CADM1: variants seen among roughly 807,000 people sequenced by gnomAD.
CADM1 encodes the protein cell adhesion molecule 1, also known as TSLC-1.
In CADM1, 15 loss-of-function variants were observed where a neutral mutation model predicts 53.1. That is an observed-to-expected ratio of 0.28 (90% CI 0.19 to 0.44). The LOEUF is 0.44. Among genes scored for constraint, CADM1 ranks in the 20% least tolerant of loss-of-function variants. CADM1 has a pLI of 1.00. For missense variants in CADM1, 434 were observed against 611.3 expected (o/e 0.71, Z 3.06); for synonymous variants, 281 against 243.0 (o/e 1.16, Z -1.45).
At chr11:115,398,392 G>A (rs560170576) in intron 1 of CADM1, among the ~76,000 whole-genome samples, 2 of 152,142 alleles carry the variant, frequency 1.3e-5, no homozygotes, top group African/African-American at 2.4e-5. Context: ...TGGATTAGAG[G>A]TATTTGAGCC....
chr11:115,309,721 G>A (rs571909449), intron 1 of CADM1, among the ~76,000 whole-genome samples: 7 of 152,048 alleles, frequency 4.6e-5, no homozygotes, highest in Non-Finnish European at 7.4e-5. Flanking sequence ...TCTATCCCCC[G>A]GCCGTGTGAC....
At chr11:115,362,227 T>C (rs919311259) in intron 1 of CADM1, among the ~76,000 whole-genome samples, 4 of 152,178 alleles carry the variant, frequency 2.6e-5, no homozygotes, top group African/African-American at 9.7e-5. Flanking sequence ...GAGGCAGAAT[T>C]GCCTAAGAAG....
rs377251347 is a variant in CADM1 at position 115,418,805 on chromosome 11, G to C, written c.124+85466C>G. Among the ~76,000 whole-genome samples the C allele has an allele frequency of 6.4e-4, 98 of 152,250 alleles. No homozygotes were observed. In the South Asian group the frequency reaches 0.015, roughly 23 times the overall value. ...AGGGTTTAATTTACACAGAATGACT[G>C]CAATAAAACAATGCAAATGTGAGAC... is the stretch of plus-strand genomic sequence containing the variant. On this transcript the variant is annotated intron_variant, in intron 1 of 11. Transcript: ENST00000331581.
At chr11:115,455,893 CG>C (rs1948674026) in intron 1 of CADM1, among the ~76,000 whole-genome samples, 1 of 152,108 alleles carries the variant, frequency 6.6e-6, no homozygotes, top group South Asian at 2.1e-4. Context: ...CAATAACTGG[CG>C]GGATCCAGAA....
At position 115,199,807 on chromosome 11, in the gene CADM1, T is replaced by G. The variant is rs1055012572; in HGVS notation, c.1079-1369A>C. Among the ~76,000 whole-genome samples the G allele has an allele frequency of 1.7e-4, 26 of 152,252 alleles. 1 individual carries two copies. Among genetic ancestry groups the G allele is most frequent in the Admixed American group, 1.3e-3 (20 of 15,282 alleles). ...GTTGAAGTAAGATTCTGGGTTAAAC[T>G]GCAAGCAAGCAGTTCACTGTCCTTT... On this transcript the variant is annotated intron_variant, in intron 8 of 11. Coordinates refer to ENST00000331581, the MANE Select transcript of CADM1 (RefSeq NM_001301043.2).
At chr11:115,392,177 A>G (rs1222921908) in intron 1 of CADM1, among the ~76,000 whole-genome samples, 1 of 152,058 alleles carries the variant, frequency 6.6e-6, no homozygotes, top group Non-Finnish European at 1.5e-5. Context: ...TTCTTAAAAT[A>G]CTATACAATT....
At chr11:115,432,967 C>T (rs1363478984) in intron 1 of CADM1, among the ~76,000 whole-genome samples, 4 of 152,176 alleles carry the variant, frequency 2.6e-5, no homozygotes, top group Non-Finnish European at 5.9e-5. Context: ...ACCAGGTGAA[C>T]AAAAGGAATG....
intron 1 of CADM1, among the ~76,000 whole-genome samples, chr11:115,485,223 C>A (rs367891380): frequency 6.6e-6 from 1 of 152,128 alleles, no homozygotes; most frequent in Non-Finnish European, 1.5e-5. Flanking sequence ...TCTGACTAGT[C>A]CTTTCTGGCA....
intron 1 of CADM1, among the ~76,000 whole-genome samples, chr11:115,371,498 A>G (rs889847442): frequency 6.6e-6 from 1 of 152,184 alleles, no homozygotes; most frequent in African/African-American, 2.4e-5. Flanking sequence ...TAAGACAGAA[A>G]AAGAAGAAAA....
intron 1 of CADM1, among the ~76,000 whole-genome samples, chr11:115,305,638 C>T (rs1944344140): frequency 6.6e-6 from 1 of 151,910 alleles, no homozygotes; most frequent in Non-Finnish European, 1.5e-5. Flanking sequence ...CTTCTACCAG[C>T]ACTAGCTCCC....
intron 1 of CADM1, among the ~76,000 whole-genome samples, chr11:115,446,730 G>A (rs547121636): frequency 3.3e-5 from 5 of 152,300 alleles, no homozygotes; most frequent in African/African-American, 1.2e-4. Context: ...AAGGGCCACT[G>A]CTCTTTCGAA....
At chr11:115,304,583 TTAA>T (rs1322514166) in intron 1 of CADM1, among the ~76,000 whole-genome samples, 1 of 152,000 alleles carries the variant, frequency 6.6e-6, no homozygotes, top group Non-Finnish European at 1.5e-5. Flanking sequence ...CAAAGAAAAC[TTAA>T]ATAGAGATAT....
chr11:115,176,750 C>T (rs1373992574), intron 11 of CADM1, among the ~76,000 whole-genome samples, 158 bp from the exon 12 acceptor site: 1 of 151,912 alleles, frequency 6.6e-6, no homozygotes, highest in Non-Finnish European at 1.5e-5. Flanking sequence ...GTGGGTGAGA[C>T]AAAGGGGGAT....
intron 1 of CADM1, among the ~76,000 whole-genome samples, chr11:115,440,858 A>G (rs895668416): frequency 6.6e-6 from 1 of 152,128 alleles, no homozygotes; most frequent in Non-Finnish European, 1.5e-5. Context: ...GAGTCACTGC[A>G]GCCTCAACCT....
intron 9 of CADM1, among the ~76,000 whole-genome samples, chr11:115,194,491 T>C (rs182103073): frequency 6.6e-5 from 10 of 152,282 alleles, no homozygotes; most frequent in Admixed American, 5.9e-4. Flanking sequence ...GAAATTATTC[T>C]TCAGAGGGGT....
intron 1 of CADM1, among the ~76,000 whole-genome samples, chr11:115,354,269 T>C (rs1945807684): frequency 6.6e-6 from 1 of 152,180 alleles, no homozygotes; most frequent in African/African-American, 2.4e-5. Context: ...ACTCTATAAA[T>C]TAAGCATGAT....
intron 1 of CADM1, among the ~76,000 whole-genome samples, chr11:115,265,104 G>C (rs1943096685): frequency 6.6e-6 from 1 of 152,118 alleles, no homozygotes; most frequent in Non-Finnish European, 1.5e-5. Context: ...TTACTGGACT[G>C]CCTCCCACCT....
intron 8 of CADM1, among the ~76,000 whole-genome samples, chr11:115,199,891 A>C (rs1940338218): frequency 6.6e-6 from 1 of 152,216 alleles, no homozygotes; most frequent in Admixed American, 6.5e-5. Flanking sequence ...ACGCCAAAAG[A>C]CTTTCTGATT....
In CADM1 at chr11:115,174,850, G is replaced by T. The variant is rs1295466130; in HGVS notation, c.*1624C>A. 2.0e-6 allele frequency: 2 copies of T among 985,330 alleles called. No homozygotes were observed. Among genetic ancestry groups the T allele is most frequent in the Non-Finnish European group, 2.4e-6 (2 of 829,752 alleles). 61.0% of individuals were successfully genotyped at this position (985,330 alleles called of 1,614,324 possible). On this transcript the variant is annotated 3_prime_UTR_variant, in exon 12 of 12. Coordinates refer to ENST00000331581, the MANE Select transcript of CADM1 (RefSeq NM_001301043.2). ...AACATATGGTAAGAGTTTAGTTTCT[G>T]TCCTTCAGGACTACTTCTAGATTTC...
Sources: gnomAD v4.1 joint callset for allele counts (sites outside exome capture counted in the v4.1 genomes callset) on GRCh38, gnomAD v4.1.1 for gene constraint, MANE v1.5 for transcripts, NCBI Gene and HGNC (gene_info 2026-07-23, HGNC 2026-07-21) for gene names.